ADAMTS17: variants seen among roughly 807,000 people sequenced by gnomAD.
ADAMTS17 encodes A disintegrin and metalloproteinase with thrombospondin motifs 17.
Under a neutral mutation model 141.5 loss-of-function variants are expected in ADAMTS17, and 113 were observed. The ratio of observed to expected loss-of-function variants is 0.80; its 90% confidence interval spans 0.69 to 0.93. The LOEUF (loss-of-function observed/expected upper bound fraction) is 0.93. ADAMTS17 is among the 40% of genes least tolerant of loss of function. ADAMTS17 has a pLI of 0.00. For missense variants in ADAMTS17, 1,659 were observed against 1,517.9 expected (o/e 1.09, Z -1.54); for synonymous variants, 768 against 630.6 (o/e 1.22, Z -3.27).
chr15:100,151,639 C>G (rs142325557), intron 10 of ADAMTS17, among the ~76,000 whole-genome samples: 341 of 152,314 alleles, frequency 2.2e-3, no homozygotes, highest in Non-Finnish European at 3.8e-3. Flanking sequence ...GTTCCACATA[C>G]CCCTGGCTGG....
intron 15 of ADAMTS17, among the ~76,000 whole-genome samples, chr15:100,085,743 A>G (rs1380338138): frequency 2.0e-5 from 3 of 150,032 alleles, no homozygotes; most frequent in Non-Finnish European, 4.4e-5. Flanking sequence ...ATCCAGCCAA[A>G]CTAAGCTTCA....
rs527483342 is a variant in ADAMTS17, at chr15:100,095,876, G to A, written c.2137+480C>T. Among the ~76,000 whole-genome samples, 6 of 152,294 alleles carry A rather than the reference G, an allele frequency of 3.9e-5. No homozygotes were observed. The South Asian group carries it at 6.2e-4, about 16-fold the overall frequency. ...GGGGACCAGGAGGCTCAGGTACTCC[G>A]GAGTCACAGCTGGCAGTGGCACCTG... is the stretch of plus-strand genomic sequence containing the variant. On this transcript the variant is annotated intron_variant, in intron 15 of 21. Transcript: ENST00000268070.
At chr15:100,114,984 A>G (rs1250556655) in intron 13 of ADAMTS17, among the ~76,000 whole-genome samples, 1 of 152,286 alleles carries the variant, frequency 6.6e-6, no homozygotes, top group African/African-American at 2.4e-5. Flanking sequence ...CAGGCAACCA[A>G]GGAAAGAACA....
chr15:100,119,222 A>G lies in ADAMTS17; in HGVS notation c.1722-2209T>C, dbSNP rs185823243. Among the ~76,000 whole-genome samples the G allele has an allele frequency of 2.6e-4, 40 of 152,254 alleles. No homozygotes were observed. The East Asian group carries it at 7.0e-3, about 27-fold the overall frequency. ...TTCCAGCCTCCAGGACTGTACGACAATAACTTCTGGTTGTTGAAGCCGCCT... is the reference window on the plus strand; with the variant it reads ...TTCCAGCCTCCAGGACTGTACGACAGTAACTTCTGGTTGTTGAAGCCGCCT... On this transcript the variant is annotated intron_variant, in intron 12 of 21. Coordinates refer to ENST00000268070, the MANE Select transcript of ADAMTS17 (RefSeq NM_139057.4).
intron 18 of ADAMTS17, among the ~76,000 whole-genome samples, chr15:100,042,313 T>G (rs747492457): frequency 1.3e-4 from 20 of 152,210 alleles, no homozygotes; most frequent in Admixed American, 2.6e-4. Context: ...GTCCAAATAT[T>G]TGTGTGTGTA....
intron 3 of ADAMTS17, among the ~76,000 whole-genome samples, chr15:100,286,995 C>A (rs895487128): frequency 1.3e-5 from 2 of 152,192 alleles, no homozygotes; most frequent in Non-Finnish European, 2.9e-5. Context: ...CGAGACCATC[C>A]TGGCCAACCT....
chr15:100,242,845 C>T lies in ADAMTS17; in HGVS notation c.1075+11291G>A, dbSNP rs368157634. 1.4e-4 allele frequency among the ~76,000 whole-genome samples: 21 copies of T among 152,272 alleles called. No homozygotes were observed. In the South Asian group the frequency reaches 4.4e-3, roughly 32 times the overall value. On this transcript the variant is annotated intron_variant, in intron 7 of 21. Transcript: ENST00000268070. ...AAAGTATACATAACATAAAATGTACCATTTTACCTATTTTAAGTGTACGGT... is the reference window on the plus strand; with the variant it reads ...AAAGTATACATAACATAAAATGTACTATTTTACCTATTTTAAGTGTACGGT...
intron 3 of ADAMTS17, among the ~76,000 whole-genome samples, chr15:100,293,574 C>T (rs937272928): frequency 2.0e-5 from 3 of 152,162 alleles, no homozygotes; most frequent in Non-Finnish European, 4.4e-5. Context: ...ACCCAGTGTG[C>T]CCCAGGATCC....
intron 15 of ADAMTS17, among the ~76,000 whole-genome samples, chr15:100,094,998 C>T (rs867480494): frequency 1.3e-5 from 2 of 152,206 alleles, no homozygotes; most frequent in Non-Finnish European, 2.9e-5. Context: ...TGTGCAGCAA[C>T]GGAGTACTCA....
intron 8 of ADAMTS17, among the ~76,000 whole-genome samples, chr15:100,183,474 TCA>T (rs1228330667): frequency 6.6e-6 from 1 of 152,258 alleles, no homozygotes; most frequent in African/African-American, 2.4e-5. Context: ...CTATATTTTT[TCA>T]GTTCTATAAT....
chr15:100,117,666 T>G (rs1352871349), intron 12 of ADAMTS17, among the ~76,000 whole-genome samples: 1 of 152,144 alleles, frequency 6.6e-6, no homozygotes, highest in Non-Finnish European at 1.5e-5. Context: ...CTGTGTTCAC[T>G]GGCCAAGTCC....
In ADAMTS17 at chr15:100,160,400, C is replaced by G. The variant is rs1476126267; in HGVS notation, c.1182-5080G>C. ...AAGGGTTTTTCAAACATGGATGTTG[C>G]TTGGAAAACCACAATGGGAGGAGAC... On this transcript the variant is annotated intron_variant, in intron 8 of 21. Transcript: ENST00000268070. Among the ~76,000 whole-genome samples the G allele has an allele frequency of 2.0e-5, 3 of 152,190 alleles. No homozygotes were observed. In the East Asian group the frequency reaches 5.8e-4, roughly 29 times the overall value.
At chr15:100,166,135 CG>C (rs1219990031) in intron 8 of ADAMTS17, among the ~76,000 whole-genome samples, 1 of 152,130 alleles carries the variant, frequency 6.6e-6, no homozygotes. Context: ...TGCATCATGA[CG>C]GTCTTACATT....
At chr15:100,315,545 G>A (rs1440955376) in intron 3 of ADAMTS17, among the ~76,000 whole-genome samples, 3 of 152,160 alleles carry the variant, frequency 2.0e-5, no homozygotes, top group Admixed American at 6.5e-5. Flanking sequence ...AAGTGTAAAT[G>A]CAGAAGCCTG....
intron 18 of ADAMTS17, among the ~76,000 whole-genome samples, chr15:100,038,737 A>G (rs2030982801): frequency 6.6e-6 from 1 of 152,244 alleles, no homozygotes; most frequent in African/African-American, 2.4e-5. Context: ...TATTATCTGT[A>G]TACAAGATCA....
chr15:100,053,461 G>A (rs1033093174), intron 16 of ADAMTS17, among the ~76,000 whole-genome samples: 4 of 152,124 alleles, frequency 2.6e-5, no homozygotes, highest in Non-Finnish European at 5.9e-5. Flanking sequence ...ATTCCAGTTC[G>A]GACCTGGAGT....
Position 99,974,539 on chromosome 15 carries a change from G to C in ADAMTS17, c.3151C>G (p.Arg1051Gly). 1 of 1,614,234 alleles carries C rather than the reference G, an allele frequency of 6.2e-7. No individual in the cohort carries two copies. The highest frequency in any genetic ancestry group is 1.1e-5 in the South Asian group (1 of 91,082). ...CGGCAATATACCGTCCACTGGTCTCGTGTGCATTTGTAGGTCAGAGCAGCT... is the reference window on the plus strand; with the variant it reads ...CGGCAATATACCGTCCACTGGTCTCCTGTGCATTTGTAGGTCAGAGCAGCT... ...RLAALTYKCTRDQWTVYCRVI... is the reference protein window; with the variant it reads ...RLAALTYKCTGDQWTVYCRVI... Residue 1051 changes from arginine (R) to glycine (G), a missense_variant, in exon 22 of 22, where the codon CGA becomes GGA. Physicochemically the swap from Arg to Gly is moderately radical, Grantham distance 125. Transcript: ENST00000268070.
chr15:100,053,871 A>G (rs367803148), intron 16 of ADAMTS17, 26 bp downstream of exon 16: 2 of 1,613,998 alleles, frequency 1.2e-6, no homozygotes, highest in African/African-American at 2.7e-5. Flanking sequence ...ACCCCCTAAG[A>G]CAAGTGTGGA....
At chr15:100,212,153 T>C (rs2041829551) in intron 7 of ADAMTS17, among the ~76,000 whole-genome samples, 1 of 152,144 alleles carries the variant, frequency 6.6e-6, no homozygotes, top group African/African-American at 2.4e-5. Context: ...CATTCACACA[T>C]GGGGAAACTG....
Sources: allele counts gnomAD v4.1 joint callset (sites outside exome capture counted in the v4.1 genomes callset), GRCh38; gene constraint gnomAD v4.1.1; transcripts MANE v1.5; gene names NCBI Gene and HGNC (gene_info 2026-07-23, HGNC 2026-07-21).